Variants in SCPEP1 observed in about 807,000 individuals in gnomAD.
SCPEP1 encodes retinoid-inducible serine carboxypeptidase.
Under a neutral mutation model 63.8 loss-of-function variants are expected in SCPEP1, and 51 were observed. The ratio of observed to expected loss-of-function variants is 0.80; its 90% CI spans 0.64 to 1.01. The LOEUF is 1.01. Among genes scored for constraint, SCPEP1 ranks in the 50% least tolerant of loss-of-function variants. The pLI, the probability that SCPEP1 is intolerant of heterozygous loss-of-function variation, is 0.00. For missense variants in SCPEP1, 499 were observed against 554.9 expected, an observed-to-expected ratio of 0.90 and a Z score of 1.01; for synonymous variants, 204 against 207.8, an observed-to-expected ratio of 0.98 and a Z score of 0.16.
rs1176993979 is a variant in SCPEP1 at position 56,987,701 on chromosome 17, G to A, written c.322G>A (p.Ala108Thr). 1.2e-6 allele frequency: 2 copies of A among 1,613,390 alleles called. No individual in the cohort carries two copies. Among genetic ancestry groups the A allele is most frequent in the African/African-American group, 1.3e-5 (1 of 74,962 alleles). Residue 108 changes from alanine to threonine, a missense_variant, in exon 4 of 13, where the codon GCT becomes ACT. Coordinates refer to ENST00000262288, the MANE Select transcript of SCPEP1 (RefSeq NM_021626.3). ...LKPRKTTWLQ[A>T]ASLLFVDNPV... ...TTTCCTCCGTGGTACATAGCTCCAG[G>A]CTGCCAGTCTCCTATTTGTGGATAA...
intron 2 of SCPEP1, among the ~76,000 whole-genome samples, chr17:56,981,595 A>G (rs1911070208): frequency 6.6e-6 from 1 of 152,172 alleles, no homozygotes; most frequent in Non-Finnish European, 1.5e-5. Flanking sequence ...TGGGTGGATC[A>G]TACGAGGCCA....
intron 3 of SCPEP1, among the ~76,000 whole-genome samples, chr17:56,986,037 C>G (rs557661070): frequency 6.6e-6 from 1 of 152,024 alleles, no homozygotes; most frequent in Non-Finnish European, 1.5e-5. Flanking sequence ...CCAGGCTGCC[C>G]ATGGGCAGAA....
intron 6 of SCPEP1, among the ~76,000 whole-genome samples, 188 bp downstream of exon 6, chr17:56,991,359 G>C (rs1333148666): frequency 6.6e-6 from 1 of 152,182 alleles, no homozygotes; most frequent in Non-Finnish European, 1.5e-5. Flanking sequence ...GCTGAACTGA[G>C]TTTTCTTAAT....
At chr17:56,988,097 G>A in intron 4 of SCPEP1, 119 bp from the exon 5 acceptor site, 3 of 841,880 alleles carry the variant, frequency 3.6e-6, no homozygotes. Context: ...TGGTGGGGGA[G>A]GAAGACAAAG....
intron 2 of SCPEP1, chr17:56,983,291 C>T (rs1005200207): frequency 2.0e-5 from 3 of 152,214 alleles, no homozygotes; most frequent in African/African-American, 7.3e-5. Flanking sequence ...CCCTGGCATA[C>T]CAGAAGCAGA....
intron 8 of SCPEP1, among the ~76,000 whole-genome samples, chr17:56,996,325 C>T (rs897278680): frequency 6.6e-6 from 1 of 151,902 alleles, no homozygotes; most frequent in Non-Finnish European, 1.5e-5. Flanking sequence ...CTGCCTCAGC[C>T]TCCCGAGTAG....
At chr17:56,992,167 A>T (rs1911419842) in intron 6 of SCPEP1, among the ~76,000 whole-genome samples, 1 of 152,220 alleles carries the variant, frequency 6.6e-6, no homozygotes, top group Non-Finnish European at 1.5e-5. Context: ...TCAGTTTTTT[A>T]AAAATAATCA....
intron 1 of SCPEP1, among the ~76,000 whole-genome samples, chr17:56,980,788 C>T (rs1220547711): frequency 1.3e-5 from 1 of 77,146 alleles, no homozygotes; most frequent in African/African-American, 4.9e-5. Flanking sequence ...GACTTCGTAT[C>T]AAAAAAAAAA....
At chr17:57,003,328 A>T (rs746380762) in intron 12 of SCPEP1, among the ~76,000 whole-genome samples, 2 of 152,130 alleles carry the variant, frequency 1.3e-5, no homozygotes, top group Non-Finnish European at 2.9e-5. Flanking sequence ...AAATTAACAG[A>T]TTTGTCCAAG....
intron 6 of SCPEP1, among the ~76,000 whole-genome samples, chr17:56,994,686 G>A (rs917839760): frequency 2.6e-5 from 4 of 152,194 alleles, no homozygotes; most frequent in African/African-American, 7.2e-5. Flanking sequence ...CAGCCTGCCT[G>A]TGGGGATGCT....
At chr17:56,995,296 G>A (rs1277389938) in intron 7 of SCPEP1, 2 of 584,762 alleles carry the variant, frequency 3.4e-6, no homozygotes, top group African/African-American at 3.7e-5. Context: ...ATGCAGAAAT[G>A]TTGAAAGATC....
chr17:56,992,912 C>T (rs963566587), intron 6 of SCPEP1, among the ~76,000 whole-genome samples: 3 of 152,164 alleles, frequency 2.0e-5, no homozygotes, highest in Non-Finnish European at 4.4e-5. Context: ...TTCTCCTTGC[C>T]GTGACCCACT....
At chr17:56,989,921 C>T (rs1367423260) in intron 5 of SCPEP1, among the ~76,000 whole-genome samples, 1 of 151,240 alleles carries the variant, frequency 6.6e-6, no homozygotes, top group East Asian at 1.9e-4. Flanking sequence ...GTCTGGGTGA[C>T]AGAGCGAGAC....
chr17:56,979,792 G>T (rs1911017988), intron 1 of SCPEP1, among the ~76,000 whole-genome samples: 1 of 151,850 alleles, frequency 6.6e-6, no homozygotes, highest in African/African-American at 2.4e-5. Context: ...CAGAAATTTT[G>T]TTGTATAGAA....
chr17:56,994,880 T>G, intron 6 of SCPEP1, 101 bp from the exon 7 acceptor site: 1 of 1,099,954 alleles, frequency 9.1e-7, no homozygotes. Flanking sequence ...ACCGGGTTTC[T>G]TGCTTCTGTC....
At chr17:56,983,597 T>C (rs1178139726) in intron 2 of SCPEP1, 1 of 152,234 alleles carries the variant, frequency 6.6e-6, no homozygotes, top group Non-Finnish European at 1.5e-5. Flanking sequence ...GTTGCACCCT[T>C]ACTTCTGTTA....
intron 6 of SCPEP1, among the ~76,000 whole-genome samples, chr17:56,993,361 T>C (rs1344606349): frequency 6.6e-6 from 1 of 152,240 alleles, no homozygotes; most frequent in Non-Finnish European, 1.5e-5. Flanking sequence ...GCAGGCCTAC[T>C]TCAAAGATTG....
chr17:56,985,706 C>T (rs1418747130), intron 3 of SCPEP1, among the ~76,000 whole-genome samples: 2 of 152,122 alleles, frequency 1.3e-5, no homozygotes, highest in Non-Finnish European at 2.9e-5. Context: ...CCCCTCTCTC[C>T]AGCTGCCTTC....
intron 2 of SCPEP1, chr17:56,983,799 A>G (rs1030921563): frequency 1.3e-5 from 2 of 148,222 alleles, no homozygotes; most frequent in Non-Finnish European, 3.0e-5. Context: ...TGCCGTTGCT[A>G]GTTACCCTTT....
Sources: gnomAD v4.1 joint callset for allele counts (sites outside exome capture counted in the v4.1 genomes callset) on GRCh38, gnomAD v4.1.1 for gene constraint, MANE v1.5 for transcripts, NCBI Gene and HGNC (gene_info 2026-07-23, HGNC 2026-07-21) for gene names.